SND1: variants seen among roughly 807,000 people sequenced by gnomAD.
The protein encoded by SND1 is staphylococcal nuclease and tudor domain containing 1.
A neutral mutation model predicts 121.7 loss-of-function variants in SND1; 38 were observed. The ratio of observed to expected loss-of-function variants is 0.31; its 90% CI spans 0.24 to 0.41. The LOEUF (loss-of-function observed/expected upper bound fraction) is 0.41. Ranked by LOEUF, SND1 falls within the 10% of genes least tolerant of loss-of-function variation. The pLI, the probability that SND1 is intolerant of heterozygous loss-of-function variation, is 1.00. For missense variants in SND1, 868 were observed against 1,184.6 expected (o/e 0.73, Z 3.92); for synonymous variants, 401 against 447.4 (o/e 0.90, Z 1.31).
intron 15 of SND1, among the ~76,000 whole-genome samples, chr7:127,969,686 C>A (rs2116883564): frequency 6.6e-6 from 1 of 152,300 alleles, no homozygotes. Flanking sequence ...TGAGATCGCA[C>A]CACTGCATTC....
rs1019560841 is a variant in SND1, at chr7:127,652,334, C to T, written c.-40C>T. On this transcript the variant is annotated 5_prime_UTR_variant, in exon 1 of 24. Coordinates refer to ENST00000354725, the MANE Select transcript of SND1 (RefSeq NM_014390.4). ...CGACACCCACATTGACACCTCCAGTCCGGCCAGCCGCTCCACTCGTTGCCT... is the reference window on the plus strand; with the variant it reads ...CGACACCCACATTGACACCTCCAGTTCGGCCAGCCGCTCCACTCGTTGCCT... The T allele has an allele frequency of 1.9e-6, 3 of 1,546,264 alleles. No homozygotes were observed. The highest frequency in any genetic ancestry group is 3.9e-5 in the Admixed American group (2 of 51,772).
At chr7:127,980,553 A>G (rs1275784762) in intron 15 of SND1, among the ~76,000 whole-genome samples, 1 of 151,896 alleles carries the variant, frequency 6.6e-6, no homozygotes, top group Non-Finnish European at 1.5e-5. Flanking sequence ...TTTCCTCCTC[A>G]TCCTACTGTA....
intron 15 of SND1, among the ~76,000 whole-genome samples, chr7:127,954,571 G>A (rs1356543879): frequency 1.3e-5 from 2 of 152,142 alleles, no homozygotes; most frequent in Non-Finnish European, 2.9e-5. Context: ...CCATCCATGT[G>A]ACCACTCTCC....
chr7:127,962,323 T>C (rs147465322), intron 15 of SND1, among the ~76,000 whole-genome samples: 44 of 152,282 alleles, frequency 2.9e-4, no homozygotes, highest in Middle Eastern at 6.8e-3. Flanking sequence ...ACGATCTTGG[T>C]TGAGGCTGAA....
chr7:127,808,339 T>C (rs1240682720), intron 11 of SND1, among the ~76,000 whole-genome samples: 5 of 152,004 alleles, frequency 3.3e-5, no homozygotes, highest in African/African-American at 1.2e-4. Context: ...ATTTTTGTAT[T>C]TTTTTGGTCG....
intron 1 of SND1, among the ~76,000 whole-genome samples, chr7:127,680,522 G>T (rs1269685732): frequency 6.6e-6 from 1 of 152,030 alleles, no homozygotes; most frequent in African/African-American, 2.4e-5. Context: ...GATGTTCCTT[G>T]CTGAGAAAAA....
intron 15 of SND1, among the ~76,000 whole-genome samples, chr7:127,963,099 T>C (rs1444417489): frequency 6.6e-6 from 1 of 152,192 alleles, no homozygotes; most frequent in Non-Finnish European, 1.5e-5. Flanking sequence ...AAAATCATTA[T>C]GTTCTGACCT....
intron 10 of SND1, among the ~76,000 whole-genome samples, chr7:127,725,817 C>T (rs1234837021): frequency 6.6e-6 from 1 of 152,084 alleles, no homozygotes; most frequent in East Asian, 1.9e-4. Flanking sequence ...AAGTCTGTGG[C>T]ATGGGCTTCC....
intron 13 of SND1, among the ~76,000 whole-genome samples, chr7:127,890,484 T>C (rs1272006092): frequency 6.6e-6 from 1 of 152,276 alleles, no homozygotes; most frequent in East Asian, 1.9e-4. Context: ...CAGCCCAATC[T>C]GATGGTAACT....
chr7:127,749,395 A>G (rs1797042754), intron 10 of SND1, among the ~76,000 whole-genome samples: 1 of 152,202 alleles, frequency 6.6e-6, no homozygotes, highest in Admixed American at 6.5e-5. Flanking sequence ...CTAAGGGTGT[A>G]GCTTTGGCTT....
chr7:127,680,999 C>G (rs998792120), intron 1 of SND1, among the ~76,000 whole-genome samples: 2 of 152,128 alleles, frequency 1.3e-5, no homozygotes, highest in Non-Finnish European at 2.9e-5. Context: ...TCCCTCCGTT[C>G]GGGGTGCCTG....
At chr7:128,022,475 G>A (rs1468953885) in intron 16 of SND1, among the ~76,000 whole-genome samples, 1 of 152,176 alleles carries the variant, frequency 6.6e-6, no homozygotes. Context: ...CAAAGATCAT[G>A]CCATCGTCTC....
intron 16 of SND1, among the ~76,000 whole-genome samples, chr7:128,041,012 A>G (rs1329474898): frequency 1.3e-5 from 2 of 152,168 alleles, no homozygotes; most frequent in African/African-American, 4.8e-5. Context: ...TGTCTCATCT[A>G]AGGAGTTCCA....
At chr7:127,993,829 G>T (rs1197002917) in intron 16 of SND1, among the ~76,000 whole-genome samples, 4 of 152,178 alleles carry the variant, frequency 2.6e-5, no homozygotes, top group Admixed American at 2.0e-4. Context: ...CGATTTCAGA[G>T]TACTTCCTGG....
chr7:127,678,953 G>T (rs1265421794), intron 1 of SND1: 1 of 152,154 alleles, frequency 6.6e-6, no homozygotes, highest in Non-Finnish European at 1.5e-5. Flanking sequence ...AAAACACCTT[G>T]TCCAGAGGGG....
chr7:127,772,001 G>C (rs1003062060), intron 10 of SND1, among the ~76,000 whole-genome samples: 1 of 152,130 alleles, frequency 6.6e-6, no homozygotes, highest in Non-Finnish European at 1.5e-5. Flanking sequence ...ACACTTCAGA[G>C]TTTATGTAAC....
intron 9 of SND1, among the ~76,000 whole-genome samples, chr7:127,709,879 T>C (rs1796268021): frequency 1.3e-5 from 2 of 152,196 alleles, no homozygotes; most frequent in African/African-American, 2.4e-5. Context: ...AACTTGACTT[T>C]TAAAAATTCT....
chr7:127,706,700 T>C (rs1021727358), intron 8 of SND1, among the ~76,000 whole-genome samples: 1 of 152,216 alleles, frequency 6.6e-6, no homozygotes, highest in Non-Finnish European at 1.5e-5. Flanking sequence ...ATGCAAATCC[T>C]ATTTTGATAA....
intron 1 of SND1, among the ~76,000 whole-genome samples, chr7:127,675,938 T>C (rs1483130699): frequency 4.6e-5 from 7 of 152,194 alleles, no homozygotes; most frequent in African/African-American, 1.4e-4. Flanking sequence ...TAGTGAGGAC[T>C]TGGCTTTGCA....
Sources: allele counts gnomAD v4.1 joint callset (sites outside exome capture counted in the v4.1 genomes callset), GRCh38; gene constraint gnomAD v4.1.1; transcripts MANE v1.5; gene names NCBI Gene and HGNC (gene_info 2026-07-23, HGNC 2026-07-21).